The following SLC9A3 variants were observed in gnomAD, a reference collection of about 807,000 sequenced individuals.
SLC9A3 encodes the protein sodium/hydrogen exchanger 3.
In SLC9A3, 37 loss-of-function variants were observed where a neutral mutation model predicts 86.8. The ratio of observed to expected loss-of-function variants is 0.43; its 90% CI spans 0.33 to 0.56. The LOEUF is 0.56. Among genes scored for constraint, SLC9A3 ranks in the 20% least tolerant of loss-of-function variants. SLC9A3 has a pLI of 0.06. For missense variants in SLC9A3, 1,011 were observed against 1,171.9 expected (o/e 0.86, Z 2.00); for synonymous variants, 581 against 528.3 (o/e 1.10, Z -1.37).
At chr5:476,833 C>G (rs1388894654) in intron 11 of SLC9A3, among the ~76,000 whole-genome samples, 161 bp from the exon 12 acceptor site, 2 of 152,228 alleles carry the variant, frequency 1.3e-5, no homozygotes, top group Admixed American at 6.5e-5. Context: ...CATCTGCCAT[C>G]TGGCCAGCCC....
At chr5:479,996 A>G (rs779307295) in intron 9 of SLC9A3, 31 bp from the exon 10 acceptor site, 1 of 1,601,918 alleles carries the variant, frequency 6.2e-7, no homozygotes, top group Non-Finnish European at 8.5e-7. Context: ...TGTGAGCCTC[A>G]GGTGACAGGC....
intron 1 of SLC9A3, among the ~76,000 whole-genome samples, chr5:504,611 C>A (rs1740461319): frequency 6.6e-6 from 1 of 152,248 alleles, no homozygotes; most frequent in Non-Finnish European, 1.5e-5. Context: ...CCGGGTGAGC[C>A]CAGAGGGCTC....
intron 1 of SLC9A3, among the ~76,000 whole-genome samples, chr5:518,483 C>T (rs1440211167): frequency 6.6e-6 from 1 of 152,164 alleles, no homozygotes; most frequent in Admixed American, 6.5e-5. Flanking sequence ...CACGCCAACA[C>T]CTGGCACCCT....
chr5:476,258 G>T lies in SLC9A3; in HGVS notation c.2011C>A (p.Leu671Ile). 1 of 1,613,966 alleles carries T rather than the reference G, an allele frequency of 6.2e-7. No individual in the cohort carries two copies. Among genetic ancestry groups the T allele is most frequent in the African/African-American group, 1.3e-5 (1 of 75,052 alleles). Residue 671 changes from leucine to isoleucine, a missense_variant, in exon 13 of 17, where the codon CTC (leucine) becomes ATC (isoleucine). Coordinates refer to ENST00000264938, the MANE Select transcript of SLC9A3 (RefSeq NM_004174.4). ...LESFKSTKLG[L>I]NQNKKAAKLY... ...TTGGCCGCCTTCTTGTTCTGGTTGA[G>T]CCCCAGCTTGGTCGACTTGAAGGAC...
intron 11 of SLC9A3, 26 bp from the exon 12 acceptor site, chr5:476,698 T>A: frequency 6.3e-7 from 1 of 1,598,300 alleles, no homozygotes; most frequent in South Asian, 1.1e-5. Flanking sequence ...CGCTGAGCCA[T>A]ACAGGCTCCC....
Position 473,289 on chromosome 5 carries a change from A to T in SLC9A3, c.*90T>A. On this transcript the variant is annotated 3_prime_UTR_variant, in exon 17 of 17. Transcript: ENST00000264938. ...TCGCGGTCGCTGTAGCCGCGCGGGG[A>T]TCTGGGGTTTCTCTGGGACAGCGGC... 1 of 1,290,734 alleles carries T rather than the reference A, an allele frequency of 7.7e-7. No homozygotes were observed. Among genetic ancestry groups the T allele is most frequent in the Non-Finnish European group, 9.9e-7 (1 of 1,005,338 alleles). 80.0% of individuals were successfully genotyped at this position (1,290,734 alleles called of 1,614,324 possible).
chr5:483,490 G>GAC lies in SLC9A3; in HGVS notation c.933-10_933-9dup. On this transcript the variant is annotated splice_polypyrimidine_tract_variant and intron_variant, in intron 5 of 16. Coordinates refer to ENST00000264938, the MANE Select transcript of SLC9A3 (RefSeq NM_004174.4). ...ATGCCACAGAAGGTGATGCTGCAGGGACAGACGCGCCTCAGGACACGGCCA... is the reference window on the plus strand; with the variant it reads ...ATGCCACAGAAGGTGATGCTGCAGGGACACAGACGCGCCTCAGGACACGGCCA... 1 of 1,559,364 alleles carries GAC rather than the reference G, an allele frequency of 6.4e-7. No homozygotes were observed. Among genetic ancestry groups the GAC allele is most frequent in the Non-Finnish European group, 8.7e-7 (1 of 1,150,494 alleles).
chr5:486,072 G>T (rs958844869), intron 3 of SLC9A3, among the ~76,000 whole-genome samples: 1 of 152,116 alleles, frequency 6.6e-6, no homozygotes, highest in African/African-American at 2.4e-5. Flanking sequence ...TCTGGTGTGC[G>T]ACACCCACAG....
chr5:507,317 G>A (rs866088808), intron 1 of SLC9A3, among the ~76,000 whole-genome samples: 15 of 144,148 alleles, frequency 1.0e-4, no homozygotes, highest in East Asian at 4.1e-4. Context: ...ACAGGCGCCC[G>A]CCACCACGCC....
In SLC9A3 at chr5:482,569, C is replaced by T; in HGVS notation, c.1335G>A (p.Val445=). The T allele has an allele frequency of 1.2e-6, 2 of 1,612,648 alleles. No homozygotes were observed. Among genetic ancestry groups the T allele is most frequent in the East Asian group, 2.2e-5 (1 of 44,854 alleles). ...NLFVSTTIIV[V]FFTVIFQGLT... is the part of the protein sequence containing the mutation. ...TCACCTGGAAGATGACGGTGAAGAA[C>T]ACTACGATGATGGTGGTGCTGACGA... The change falls in exon 7 of 17, where the codon GTG becomes GTA. Residue 445 remains valine, a synonymous_variant. Transcript: ENST00000264938.
intron 1 of SLC9A3, among the ~76,000 whole-genome samples, chr5:504,170 G>GTCC (rs1434014583): frequency 6.6e-6 from 1 of 152,244 alleles, no homozygotes; most frequent in African/African-American, 2.4e-5. Context: ...AGGAGACAGC[G>GTCC]TCCTATATGA....
rs770010029 is a variant in SLC9A3, at chr5:520,178, T to A, written c.211+3934A>T. On this transcript the variant is annotated intron_variant, in intron 1 of 16. Coordinates refer to ENST00000264938, the MANE Select transcript of SLC9A3 (RefSeq NM_004174.4). ...GCCCAGCTCTGGAGTTCAGGCCCCATGGGATGTCAGCTCCCACACCTCCTG... is the reference window on the plus strand; with the variant it reads ...GCCCAGCTCTGGAGTTCAGGCCCCAAGGGATGTCAGCTCCCACACCTCCTG... Among the ~76,000 whole-genome samples the A allele has an allele frequency of 1.3e-5, 2 of 151,830 alleles. 1 individual carries two copies. The highest frequency in any genetic ancestry group is 4.2e-4 in the South Asian group (2 of 4,808).
chr5:523,350 G>A lies in SLC9A3; in HGVS notation c.211+762C>T, dbSNP rs187179904. ...CAAAGCTGCTCTGGAAACCTGCCGC[G>A]GCGCCTGCTGCTCTGATCTTGCTTC... On this transcript the variant is annotated intron_variant, in intron 1 of 16. Coordinates refer to ENST00000264938, the MANE Select transcript of SLC9A3 (RefSeq NM_004174.4). Among the ~76,000 whole-genome samples, 489 of 152,170 alleles carry A rather than the reference G, an allele frequency of 3.2e-3. 2 individuals carry two copies. Among genetic ancestry groups the A allele is most frequent in the Non-Finnish European group, 5.5e-3 (372 of 68,002 alleles).
At chr5:481,705 C>G in intron 8 of SLC9A3, 70 bp from the exon 9 acceptor site, 1 of 1,326,118 alleles carries the variant, frequency 7.5e-7, no homozygotes, top group South Asian at 1.2e-5. Context: ...CCCTCCACTC[C>G]TGGCCCAGCC....
intron 10 of SLC9A3, chr5:479,026 C>A (rs751611746): frequency 8.9e-4 from 136 of 153,640 alleles, no homozygotes; most frequent in Non-Finnish European, 1.5e-3. Flanking sequence ...CCCCCACTGG[C>A]CCTCTGTGTG....
Position 511,357 on chromosome 5 carries a change from A to G in SLC9A3, c.211+12755T>C, listed in dbSNP as rs1579821698. Among the ~76,000 whole-genome samples, 3 of 152,374 alleles carry G rather than the reference A, an allele frequency of 2.0e-5. No homozygotes were observed. The South Asian group carries it at 6.2e-4, about 32-fold the overall frequency. ...GTAAGTTGGACTTTATTAAAATTAA[A>G]AACTTTTTCTCTGCAAAAGAAGACA... On this transcript the variant is annotated intron_variant, in intron 1 of 16. Coordinates refer to ENST00000264938, the MANE Select transcript of SLC9A3 (RefSeq NM_004174.4).
At chr5:481,228 C>T (rs1032980241) in intron 9 of SLC9A3, among the ~76,000 whole-genome samples, 4 of 152,336 alleles carry the variant, frequency 2.6e-5, no homozygotes, top group East Asian at 1.9e-4. Context: ...CTGTTTATGA[C>T]GTGGAGGAAA....
chr5:482,045 C>CG (rs760449627), intron 8 of SLC9A3, 23 bp downstream of exon 8: 1 of 670,302 alleles, frequency 1.5e-6, no homozygotes, highest in South Asian at 1.6e-5. Context: ...TGCCCCCCCC[C>CG]CGCCCCCCAG....
intron 16 of SLC9A3, 110 bp from the exon 17 acceptor site, chr5:473,492 C>T: frequency 1.1e-6 from 1 of 927,282 alleles, no homozygotes. Context: ...GCCTCCCCTC[C>T]CGCGGCGCAC....
Sources: gnomAD v4.1 joint callset for allele counts (sites outside exome capture counted in the v4.1 genomes callset) on GRCh38, gnomAD v4.1.1 for gene constraint, MANE v1.5 for transcripts, NCBI Gene and HGNC (gene_info 2026-07-23, HGNC 2026-07-21) for gene names.